The following WBP2NL variants were observed in gnomAD, a reference collection of about 807,000 sequenced individuals.
WBP2NL encodes the protein WBP2 N-terminal like.
In WBP2NL, 27 loss-of-function variants were observed where a neutral mutation model predicts 23.3. The ratio of observed to expected loss-of-function variants is 1.16; its 90% CI spans 0.85 to 1.60. WBP2NL has a LOEUF of 1.60. Among genes scored for constraint, WBP2NL ranks in the 40% most tolerant of loss-of-function variants. The pLI, the probability that WBP2NL is intolerant of heterozygous loss-of-function variation, is 0.00. For missense variants in WBP2NL, 370 were observed against 389.5 expected, an observed-to-expected ratio of 0.95 and a Z score of 0.42; for synonymous variants, 151 against 145.9, an observed-to-expected ratio of 1.03 and a Z score of -0.25.
At chr22:42,019,575 G>A (rs1923689750) in intron 2 of WBP2NL, 87 bp from the exon 3 acceptor site, 2 of 1,574,118 alleles carry the variant, frequency 1.3e-6, no homozygotes, top group Non-Finnish European at 1.7e-6. Context: ...ATGTTTCTCA[G>A]TTAGACCAGA....
chr22:42,045,142 A>C (rs1199629540), intron 8 of WBP2NL, among the ~76,000 whole-genome samples: 1 of 152,162 alleles, frequency 6.6e-6, no homozygotes, highest in East Asian at 1.9e-4. Flanking sequence ...AAAATCAATA[A>C]AATTTTAAAA....
intron 1 of WBP2NL, among the ~76,000 whole-genome samples, chr22:42,011,991 G>T (rs147964336): frequency 2.5e-4 from 38 of 151,740 alleles, no homozygotes; most frequent in Non-Finnish European, 5.2e-4. Flanking sequence ...TGGCCAGGCT[G>T]GTCTCAAACT....
rs569135379 is a variant in WBP2NL, at chr22:42,010,333, C to A, written c.63-8978C>A. On this transcript the variant is annotated intron_variant, in intron 1 of 5. Coordinates refer to ENST00000328823, the MANE Select transcript of WBP2NL (RefSeq NM_152613.3). ...GCCTAATTGCTCTGGCTAGGACTTCCAATACTATGTCGAATAGAAGTGGTG... is the reference window on the plus strand; with the variant it reads ...GCCTAATTGCTCTGGCTAGGACTTCAAATACTATGTCGAATAGAAGTGGTG... Among the ~76,000 whole-genome samples, 68 of 152,206 alleles carry A rather than the reference C, an allele frequency of 4.5e-4. 1 individual carries two copies. The highest frequency in any genetic ancestry group is 2.1e-3 in the Admixed American group (32 of 15,280).
intron 8 of WBP2NL, among the ~76,000 whole-genome samples, chr22:42,048,392 A>G (rs1569454882): frequency 6.6e-6 from 1 of 151,624 alleles, no homozygotes; most frequent in Non-Finnish European, 1.5e-5. Flanking sequence ...ATCTCAAAAA[A>G]AAAAAAGAAG....
chr22:42,054,041 C>T (rs958621998), intron 8 of WBP2NL, among the ~76,000 whole-genome samples: 3 of 152,264 alleles, frequency 2.0e-5, no homozygotes, highest in African/African-American at 7.2e-5. Flanking sequence ...ATCCTCCCAT[C>T]CCAGCCTCCC....
rs1015498492 is a variant in WBP2NL, at chr22:42,003,899, T to C, written c.62+5019T>C. 5.9e-5 allele frequency among the ~76,000 whole-genome samples: 9 copies of C among 152,354 alleles called. No individual in the cohort carries two copies. The East Asian group carries it at 1.7e-3, about 29-fold the overall frequency. Reference sequence around the variant, plus strand: ...TTATGGTAAACCTTGGGTGGAAGAATGGTGAAACCATTGATGCTTTAGGAA... The same window carrying C: ...TTATGGTAAACCTTGGGTGGAAGAACGGTGAAACCATTGATGCTTTAGGAA... On this transcript the variant is annotated intron_variant, in intron 1 of 5. Coordinates refer to ENST00000328823, the MANE Select transcript of WBP2NL (RefSeq NM_152613.3).
At chr22:42,018,780 A>G (rs181655684) in intron 1 of WBP2NL, among the ~76,000 whole-genome samples, 23 of 152,328 alleles carry the variant, frequency 1.5e-4, no homozygotes, top group Admixed American at 9.8e-4. Context: ...AAAGAATCCA[A>G]TGATGAAGAG....
At chr22:42,010,830 G>T (rs552028790) in intron 1 of WBP2NL, among the ~76,000 whole-genome samples, 1 of 152,254 alleles carries the variant, frequency 6.6e-6, no homozygotes, top group African/African-American at 2.4e-5. Flanking sequence ...GAGCCACCAC[G>T]CCTGGCCAAA....
chr22:42,018,595 A>G (rs1923568463), intron 1 of WBP2NL, among the ~76,000 whole-genome samples: 2 of 152,162 alleles, frequency 1.3e-5, no homozygotes, highest in Admixed American at 6.5e-5. Context: ...AACAGTAAGG[A>G]GAGAGCACGA....
downstream of WBP2NL, among the ~76,000 whole-genome samples, chr22:42,034,325 A>G (rs987329807): frequency 3.3e-5 from 5 of 152,208 alleles, no homozygotes; most frequent in Non-Finnish European, 7.3e-5. Flanking sequence ...AAAAGAGAGA[A>G]ATTTTAAAGC....
chr22:42,024,150 T>G (rs992207343), intron 5 of WBP2NL, among the ~76,000 whole-genome samples: 1 of 152,224 alleles, frequency 6.6e-6, no homozygotes. Flanking sequence ...TTCCTCCAAG[T>G]TGTAGCATGT....
chr22:42,046,943 T>C (rs1925609690), intron 8 of WBP2NL, among the ~76,000 whole-genome samples: 1 of 152,196 alleles, frequency 6.6e-6, no homozygotes, highest in Non-Finnish European at 1.5e-5. Flanking sequence ...TCAGTGTGTT[T>C]AGACTTTTCA....
chr22:42,019,834 T>G (rs1224524489), intron 3 of WBP2NL, 31 bp downstream of exon 3: 12 of 1,608,510 alleles, frequency 7.5e-6, no homozygotes, highest in Admixed American at 1.7e-5. Flanking sequence ...GTGTATTTTT[T>G]TTTCCCTCAA....
chr22:42,057,613 T>C (rs1234121990), intron 8 of WBP2NL, among the ~76,000 whole-genome samples: 4 of 151,382 alleles, frequency 2.6e-5, no homozygotes, highest in African/African-American at 9.7e-5. Flanking sequence ...TTTCCAGAGT[T>C]CTGTGAAAGT....
At chr22:42,016,271 G>A (rs561978487) in intron 1 of WBP2NL, among the ~76,000 whole-genome samples, 39 of 152,054 alleles carry the variant, frequency 2.6e-4, no homozygotes, top group Non-Finnish European at 5.1e-4. Flanking sequence ...ATGAACCACC[G>A]GACCCGGCCG....
chr22:42,041,450 CT>C (rs1271834103), intron 8 of WBP2NL, among the ~76,000 whole-genome samples: 1 of 145,658 alleles, frequency 6.9e-6, no homozygotes, highest in African/African-American at 2.6e-5. Context: ...CCACTGCACT[CT>C]AGCCTGGCAA....
At chr22:42,005,470 C>T (rs1428418880) in intron 1 of WBP2NL, among the ~76,000 whole-genome samples, 9 of 151,288 alleles carry the variant, frequency 5.9e-5, no homozygotes, top group Admixed American at 4.6e-4. Context: ...GTGGAGATCT[C>T]GCTACTGCAT....
intron 5 of WBP2NL, among the ~76,000 whole-genome samples, chr22:42,022,616 CA>C (rs1366591709): frequency 1.3e-5 from 2 of 152,226 alleles, no homozygotes; most frequent in African/African-American, 4.8e-5. Flanking sequence ...TGGGAAGGGT[CA>C]CTTCCTGTTT....
rs372722748 is a variant in WBP2NL, at chr22:42,019,339, C to T, written c.91C>T (p.Leu31Phe). Residue 31 changes from leucine (L) to phenylalanine (F), a missense_variant, in exon 2 of 6, where the codon CTC (leucine) becomes TTC (phenylalanine). Transcript: ENST00000328823. The part of the protein sequence containing the change: ...SLLKRSPNVE[L>F]SFPQRSEGSN... The stretch of plus-strand genomic sequence containing the variant: ...CTTGAAGCGGTCTCCGAATGTGGAG[C>T]TCTCCTTCCCACAGCGATCAGAAGG... 6.8e-5 allele frequency: 109 copies of T among 1,613,934 alleles called. No homozygotes were observed. The highest frequency in any genetic ancestry group is 8.3e-5 in the Admixed American group (5 of 59,966).
Sources: allele counts gnomAD v4.1 joint callset (sites outside exome capture counted in the v4.1 genomes callset), GRCh38; gene constraint gnomAD v4.1.1; transcripts MANE v1.5; gene names NCBI Gene and HGNC (gene_info 2026-07-23, HGNC 2026-07-21).